KHDRBS2: variants seen among roughly 807,000 people sequenced by gnomAD.
KHDRBS2 encodes KH domain-containing, RNA-binding, signal transduction-associated protein 2.
Under a neutral mutation model 44.3 loss-of-function variants are expected in KHDRBS2, and 26 were observed. That is an observed-to-expected ratio of 0.59 (90% CI 0.43 to 0.81). The LOEUF (loss-of-function observed/expected upper bound fraction) is 0.81, where lower values mean the gene tolerates loss of function less well. Among genes scored for constraint, KHDRBS2 ranks in the 40% least tolerant of loss-of-function variants. KHDRBS2 has a pLI of 0.00. For missense variants in KHDRBS2, 476 were observed against 433.1 expected (o/e 1.10, Z -0.88); for synonymous variants, 194 against 151.1 (o/e 1.28, Z -2.08).
intron 1 of KHDRBS2, among the ~76,000 whole-genome samples, chr6:62,199,753 C>T (rs1369360649): frequency 6.6e-6 from 1 of 152,070 alleles, no homozygotes; most frequent in Non-Finnish European, 1.5e-5. Flanking sequence ...TCACATGGAA[C>T]CAAAAAAGAG....
intron 4 of KHDRBS2, among the ~76,000 whole-genome samples, chr6:61,934,084 T>C (rs1375741778): frequency 1.3e-5 from 2 of 152,194 alleles, no homozygotes; most frequent in African/African-American, 4.8e-5. Context: ...TTGCCATTTG[T>C]ATATCTTCTT....
At chr6:61,930,517 C>T (rs1444089987) in intron 4 of KHDRBS2, among the ~76,000 whole-genome samples, 32 of 93,448 alleles carry the variant, frequency 3.4e-4, no homozygotes, top group East Asian at 1.4e-3. Flanking sequence ...GACCCTATAC[C>T]GCCCCTAAAA....
At chr6:62,028,395 T>A (rs1434082682) in intron 3 of KHDRBS2, among the ~76,000 whole-genome samples, 1 of 152,128 alleles carries the variant, frequency 6.6e-6, no homozygotes, top group African/African-American at 2.4e-5. Flanking sequence ...TGAAAATACT[T>A]GAGAACTCAA....
chr6:62,017,502 C>T (rs574564551), intron 3 of KHDRBS2, among the ~76,000 whole-genome samples: 175 of 152,142 alleles, frequency 1.2e-3, no homozygotes, highest in African/African-American at 4.0e-3. Flanking sequence ...TGTCTTTGAA[C>T]TGACTCTTCA....
chr6:61,709,410 G>T (rs1283715861), intron 7 of KHDRBS2, among the ~76,000 whole-genome samples: 6 of 151,492 alleles, frequency 4.0e-5, no homozygotes, highest in African/African-American at 9.7e-5. Flanking sequence ...GCTTTGCAAT[G>T]ATTCCTTTTA....
chr6:61,659,454 C>T, the KHDRBS2 span, among the ~76,000 whole-genome samples: 1 of 151,922 alleles, frequency 6.6e-6, no homozygotes, highest in East Asian at 2.0e-4. Flanking sequence ...CAATCATATA[C>T]ATTCATGGGG....
chr6:62,025,033 CAAT>C (rs1367100424), intron 3 of KHDRBS2, among the ~76,000 whole-genome samples: 1 of 151,350 alleles, frequency 6.6e-6, no homozygotes, highest in African/African-American at 2.4e-5. Context: ...TTATAAAAAT[CAAT>C]AAAGTATTGA....
chr6:61,776,768 C>A (rs879602908), intron 6 of KHDRBS2, among the ~76,000 whole-genome samples: 45 of 152,158 alleles, frequency 3.0e-4, no homozygotes, highest in Non-Finnish European at 5.1e-4. Context: ...TACCATTAAA[C>A]CCAGTCATCC....
At chr6:61,772,461 T>C (rs1781102993) in intron 6 of KHDRBS2, among the ~76,000 whole-genome samples, 2 of 151,696 alleles carry the variant, frequency 1.3e-5, no homozygotes, top group Non-Finnish European at 2.9e-5. Context: ...ATAGACACAA[T>C]AAAAAATGAC....
intron 2 of KHDRBS2, among the ~76,000 whole-genome samples, chr6:62,082,418 G>C (rs950088907): frequency 6.6e-6 from 1 of 151,556 alleles, no homozygotes; most frequent in Non-Finnish European, 1.5e-5. Context: ...GTTTCTTTTT[G>C]TCTTGATTTG....
the KHDRBS2 span, among the ~76,000 whole-genome samples, chr6:61,669,460 C>T: frequency 2.7e-5 from 4 of 150,578 alleles, no homozygotes; most frequent in Non-Finnish European, 6.0e-5. Flanking sequence ...GATTTCTTAA[C>T]AACTTCTAAA....
chr6:62,070,150 G>T (rs1239538071), intron 2 of KHDRBS2, among the ~76,000 whole-genome samples: 1 of 151,648 alleles, frequency 6.6e-6, no homozygotes, highest in African/African-American at 2.4e-5. Flanking sequence ...ATCCCTGAGA[G>T]GTCCCTCTTT....
At chr6:61,733,149 T>A (rs1774756139) in intron 6 of KHDRBS2, among the ~76,000 whole-genome samples, 1 of 152,200 alleles carries the variant, frequency 6.6e-6, no homozygotes, top group African/African-American at 2.4e-5. Flanking sequence ...TTTCTTCTCC[T>A]TTTAATAATC....
At chr6:62,232,369 G>A (rs1349475320) in intron 1 of KHDRBS2, among the ~76,000 whole-genome samples, 1 of 152,078 alleles carries the variant, frequency 6.6e-6, no homozygotes, top group African/African-American at 2.4e-5. Flanking sequence ...CTCTCCTTAT[G>A]TAATTGAGAA....
chr6:62,116,275 G>A (rs1472562129), intron 2 of KHDRBS2, among the ~76,000 whole-genome samples: 3 of 152,046 alleles, frequency 2.0e-5, no homozygotes, highest in Non-Finnish European at 4.4e-5. Context: ...TCACCGTGCT[G>A]TGGAATAGCT....
At chr6:62,210,141 T>A (rs1450182802) in intron 1 of KHDRBS2, among the ~76,000 whole-genome samples, 1 of 152,132 alleles carries the variant, frequency 6.6e-6, no homozygotes, top group Non-Finnish European at 1.5e-5. Context: ...CTTTTGTTAA[T>A]CTGCTAAAAA....
the KHDRBS2 span, among the ~76,000 whole-genome samples, chr6:61,650,206 T>C: frequency 2.6e-5 from 4 of 152,212 alleles, no homozygotes; most frequent in South Asian, 8.3e-4. Context: ...CCTTATGTAA[T>C]TTGCCTAACA....
intron 2 of KHDRBS2, among the ~76,000 whole-genome samples, chr6:62,142,464 C>T (rs1463110196): frequency 6.6e-6 from 1 of 152,056 alleles, no homozygotes; most frequent in African/African-American, 2.4e-5. Context: ...ATTAGCTCTT[C>T]TAAGTATCAA....
intron 2 of KHDRBS2, among the ~76,000 whole-genome samples, chr6:62,143,916 T>G (rs1813387717): frequency 6.6e-6 from 1 of 151,906 alleles, no homozygotes; most frequent in Non-Finnish European, 1.5e-5. Context: ...TTTTTTAAGA[T>G]ACAAAACTTA....
Sources: gnomAD v4.1 joint callset for allele counts (sites outside exome capture counted in the v4.1 genomes callset) on GRCh38, gnomAD v4.1.1 for gene constraint, MANE v1.5 for transcripts, NCBI Gene and HGNC (gene_info 2026-07-23, HGNC 2026-07-21) for gene names.